Variants in TNS3 observed in about 807,000 individuals in gnomAD.
TNS3 encodes the protein tensin 3, also known as tensin-3.
A neutral mutation model predicts 140.9 loss-of-function variants in TNS3; 45 were observed. The observed-to-expected ratio is 0.32, with a 90% CI of 0.25 to 0.41. The LOEUF (loss-of-function observed/expected upper bound fraction) is 0.41. Ranked by LOEUF, TNS3 falls within the 10% of genes least tolerant of loss-of-function variation. The pLI is 1.00. For missense variants in TNS3, 1,716 were observed against 1,906.7 expected, an observed-to-expected ratio of 0.90 and a Z score of 1.86; for synonymous variants, 815 against 788.4, an observed-to-expected ratio of 1.03 and a Z score of -0.56.
chr7:47,283,595 G>A lies in TNS3; in HGVS notation c.4097+102C>T. The A allele has an allele frequency of 9.3e-6, 11 of 1,186,420 alleles. No homozygotes were observed. The South Asian group carries it at 1.0e-4, about 11-fold the overall frequency. 73.5% of individuals were successfully genotyped at this position (1,186,420 alleles called of 1,614,324 possible). On this transcript the variant is annotated intron_variant, in intron 28 of 30. Coordinates refer to ENST00000311160, the MANE Select transcript of TNS3 (RefSeq NM_022748.12). ...TGGGTGACTCATGACCTCAAAGACG[G>A]CTAATGATTTACCTGGATGACTACT...
intron 2 of TNS3, among the ~76,000 whole-genome samples, chr7:47,515,861 G>A (rs1188473160): frequency 6.6e-6 from 1 of 152,188 alleles, no homozygotes; most frequent in African/African-American, 2.4e-5. Context: ...GCTCCTCAGT[G>A]TTCTTTGTGT....
Position 47,415,206 on chromosome 7 carries a change from C to G in TNS3, c.474G>C (p.Arg158=). 1 of 1,600,864 alleles carries G rather than the reference C, an allele frequency of 6.2e-7. No individual in the cohort carries two copies. Among genetic ancestry groups the G allele is most frequent in the Non-Finnish European group, 8.5e-7 (1 of 1,174,316 alleles). ...GGAGCCCACTGAGGAACTGAACATA[C>G]CTGCAAAACGGACAGCTGGGTTACA... ...VSALMQPSQK[R]YVQFLSGLLS... Residue 158 remains arginine (R), a splice_region_variant and synonymous_variant, in exon 11 of 31, where the codon CGG becomes CGC. Coordinates refer to ENST00000311160, the MANE Select transcript of TNS3 (RefSeq NM_022748.12).
intron 2 of TNS3, among the ~76,000 whole-genome samples, chr7:47,511,608 G>A (rs11973279): frequency 0.25 from 38,557 of 151,246 alleles, 5,314 homozygotes; most frequent in South Asian, 0.43. Flanking sequence ...GACCCGCAGC[G>A]CGAGGGCAAC....
At chr7:47,564,119 GGGAGGT>G (rs1800373698) in intron 1 of TNS3, among the ~76,000 whole-genome samples, 1 of 148,938 alleles carries the variant, frequency 6.7e-6, no homozygotes, top group South Asian at 2.1e-4. Context: ...GCGTGAGCCC[GGGAGGT>G]GGAGCTTGCA....
chr7:47,297,805 T>G (rs1786135124), intron 23 of TNS3, among the ~76,000 whole-genome samples: 2 of 150,754 alleles, frequency 1.3e-5, no homozygotes, highest in African/African-American at 4.9e-5. Flanking sequence ...TTTTTTTTTT[T>G]GAGATGGAGT....
intron 20 of TNS3, among the ~76,000 whole-genome samples, chr7:47,337,955 T>A (rs1440390225): frequency 1.3e-5 from 2 of 152,268 alleles, no homozygotes; most frequent in African/African-American, 2.4e-5. Flanking sequence ...ATATATGGAA[T>A]CATACACTAT....
At chr7:47,458,810 A>G (rs1796365911) in intron 4 of TNS3, among the ~76,000 whole-genome samples, 1 of 152,252 alleles carries the variant, frequency 6.6e-6, no homozygotes, top group Non-Finnish European at 1.5e-5. Flanking sequence ...TAGCTCTGAG[A>G]ACCAGCTTTT....
intron 4 of TNS3, among the ~76,000 whole-genome samples, chr7:47,472,747 A>G (rs960145237): frequency 6.6e-6 from 1 of 152,148 alleles, no homozygotes; most frequent in African/African-American, 2.4e-5. Flanking sequence ...TAAATCCCGG[A>G]CACTCCTGCT....
At chr7:47,522,466 G>A (rs1799017720) in intron 2 of TNS3, among the ~76,000 whole-genome samples, 1 of 152,126 alleles carries the variant, frequency 6.6e-6, no homozygotes, top group Non-Finnish European at 1.5e-5. Context: ...GACACCTCCT[G>A]TCCACAGGGA....
intron 1 of TNS3, among the ~76,000 whole-genome samples, chr7:47,555,900 C>T (rs568597021): frequency 4.1e-4 from 63 of 152,282 alleles, no homozygotes; most frequent in African/African-American, 1.2e-3. Flanking sequence ...TGCAATGGTC[C>T]AGTTGGCACC....
intron 26 of TNS3, 50 bp from the exon 27 acceptor site, chr7:47,292,082 G>C (rs1785739793): frequency 3.2e-6 from 5 of 1,565,350 alleles, no homozygotes; most frequent in Admixed American, 1.7e-5. Flanking sequence ...TCCTGACCAA[G>C]AATCCTCATG....
At chr7:47,487,021 G>A (rs955900912) in intron 3 of TNS3, among the ~76,000 whole-genome samples, 3 of 152,160 alleles carry the variant, frequency 2.0e-5, no homozygotes, top group South Asian at 2.1e-4. Flanking sequence ...AAGAGAGGCC[G>A]GGCGCAGTAG....
chr7:47,494,566 A>C (rs1240806836), intron 3 of TNS3, among the ~76,000 whole-genome samples: 2 of 152,146 alleles, frequency 1.3e-5, no homozygotes, highest in Admixed American at 1.3e-4. Context: ...GTGATAAGGG[A>C]GGGTTAACAG....
intron 17 of TNS3, among the ~76,000 whole-genome samples, chr7:47,351,873 C>A (rs1789694631): frequency 6.6e-6 from 1 of 152,134 alleles, no homozygotes; most frequent in Non-Finnish European, 1.5e-5. Flanking sequence ...CTCCCACACA[C>A]CCCGCACCTC....
chr7:47,415,556 C>T (rs550051509), intron 10 of TNS3, among the ~76,000 whole-genome samples: 2 of 152,362 alleles, frequency 1.3e-5, no homozygotes, highest in East Asian at 3.9e-4. Flanking sequence ...GAAGCAGAGG[C>T]CTGGCACACC....
At chr7:47,449,857 C>T (rs1484193719) in intron 4 of TNS3, among the ~76,000 whole-genome samples, 1 of 152,230 alleles carries the variant, frequency 6.6e-6, no homozygotes, top group Non-Finnish European at 1.5e-5. Context: ...ATGCCCGCCT[C>T]GGCCTCCCAA....
At chr7:47,332,174 C>A (rs1788377999) in intron 20 of TNS3, among the ~76,000 whole-genome samples, 1 of 152,204 alleles carries the variant, frequency 6.6e-6, no homozygotes, top group Non-Finnish European at 1.5e-5. Flanking sequence ...AATGCCCAGG[C>A]ATTTTACCTC....
chr7:47,482,062 C>T (rs1797440810), intron 3 of TNS3, among the ~76,000 whole-genome samples: 1 of 152,232 alleles, frequency 6.6e-6, no homozygotes, highest in Admixed American at 6.5e-5. Flanking sequence ...GCTCAGGAGC[C>T]AGGCGCCAGC....
intron 4 of TNS3, chr7:47,453,164 G>T (rs2941526): frequency 6.1e-6 from 6 of 985,318 alleles, no homozygotes; most frequent in African/African-American, 1.7e-5. Flanking sequence ...AGGTGTGCCC[G>T]GCCCCACGGT....
Sources: gnomAD v4.1 joint callset for allele counts (sites outside exome capture counted in the v4.1 genomes callset) on GRCh38, gnomAD v4.1.1 for gene constraint, MANE v1.5 for transcripts, NCBI Gene and HGNC (gene_info 2026-07-23, HGNC 2026-07-21) for gene names.